Variants in METTL2B observed in about 807,000 individuals in gnomAD.
METTL2B encodes methyltransferase 2B, tRNA N3-cytidine, also known as tRNA N(3)-cytidine methyltransferase METTL2B.
Under a neutral mutation model 51.0 loss-of-function variants are expected in METTL2B, and 28 were observed. The observed-to-expected ratio is 0.55, with a 90% CI of 0.41 to 0.75. METTL2B has a LOEUF of 0.75. Ranked by LOEUF, METTL2B falls within the 30% of genes least tolerant of loss-of-function variation. METTL2B has a pLI of 0.00. For synonymous variants in METTL2B, 128 were observed against 166.3 expected, an observed-to-expected ratio of 0.77 and a Z score of 1.77; for missense variants, 313 against 460.7, an observed-to-expected ratio of 0.68 and a Z score of 2.93.
rs1033842985 is a variant in METTL2B, at chr7:128,479,142, T to G, written c.203-16T>G. On this transcript the variant is annotated splice_polypyrimidine_tract_variant and intron_variant, in intron 2 of 8. Coordinates refer to ENST00000262432, the MANE Select transcript of METTL2B (RefSeq NM_018396.3). Reference sequence around the variant, plus strand: ...TTGAGAGCTGGTTCTTAAAATTTTTTCTTAAATATTTACAGTTGATTATGA... The same window carrying G: ...TTGAGAGCTGGTTCTTAAAATTTTTGCTTAAATATTTACAGTTGATTATGA... The G allele has an allele frequency of 5.1e-6, 8 of 1,570,628 alleles. No homozygotes were observed. In the African/African-American group the frequency reaches 1.1e-4, roughly 22 times the overall value.
intron 4 of METTL2B, chr7:128,484,217 C>CTTTTTTTTTTTTGTTTTGTTT (rs1428525341): frequency 4.7e-5 from 2 of 42,412 alleles, no homozygotes; most frequent in Admixed American, 2.9e-4. Context: ...TGCCTAGATC[C>CTTTTTTTTTTTTGTTTTGTTT]TTTTTTTTTT....
intron 5 of METTL2B, among the ~76,000 whole-genome samples, chr7:128,492,566 T>G (rs3958071): frequency 0.79 from 120,184 of 152,028 alleles, 47,727 homozygotes; most frequent in East Asian, 0.94. Context: ...CTAGGCGTGA[T>G]CCACTGTGCC....
rs562563911 is a variant in METTL2B, at chr7:128,492,393, G to A, written c.670-1411G>A. On this transcript the variant is annotated intron_variant, in intron 5 of 8. Coordinates refer to ENST00000262432, the MANE Select transcript of METTL2B (RefSeq NM_018396.3). Reference sequence around the variant, plus strand: ...GGCTGGTTTTGAACTCCTGACCTCAGGTAATCCGCCCACCTCGACCTCCCA... The same window carrying A: ...GGCTGGTTTTGAACTCCTGACCTCAAGTAATCCGCCCACCTCGACCTCCCA... Among the ~76,000 whole-genome samples the A allele has an allele frequency of 4.0e-5, 6 of 151,402 alleles. No individual in the cohort carries two copies. The East Asian group carries it at 1.2e-3, about 30-fold the overall frequency.
At position 128,504,350 on chromosome 7, in the gene METTL2B, C is replaced by CTTTTT. The variant is rs66738177; in HGVS notation, c.*2449_*2453dup. 2.0e-3 allele frequency: 212 copies of CTTTTT among 108,430 alleles called. 5 individuals carry two copies. The highest frequency in any genetic ancestry group is 2.5e-3 in the East Asian group (9 of 3,532). The allele number at this position is 108,430 out of a possible 1,614,324, so 6.7% of individuals were successfully genotyped here. On this transcript the variant is annotated 3_prime_UTR_variant, in exon 9 of 9. Coordinates refer to ENST00000262432, the MANE Select transcript of METTL2B (RefSeq NM_018396.3). ...GCTGGGTAATGTAGCAAGACCCTGACTTTTTTTTTTTTTTTTTTTGAGATG... is the reference window on the plus strand; with the variant it reads ...GCTGGGTAATGTAGCAAGACCCTGACTTTTTTTTTTTTTTTTTTTTTTTTGAGATG...
intron 3 of METTL2B, among the ~76,000 whole-genome samples, 157 bp from the exon 4 acceptor site, chr7:128,480,490 A>G (rs1799859898): frequency 6.6e-6 from 1 of 152,212 alleles, no homozygotes; most frequent in Admixed American, 6.5e-5. Flanking sequence ...CAACATCAAA[A>G]TCAACAAATG....
At chr7:128,487,118 G>A (rs1309010913) in intron 4 of METTL2B, among the ~76,000 whole-genome samples, 1 of 152,214 alleles carries the variant, frequency 6.6e-6, no homozygotes, top group East Asian at 1.9e-4. Context: ...TTTAATTTAA[G>A]TAGCCACAGG....
chr7:128,485,706 G>A (rs372231615), intron 4 of METTL2B, among the ~76,000 whole-genome samples: 3 of 150,216 alleles, frequency 2.0e-5, no homozygotes, highest in Admixed American at 6.6e-5. Flanking sequence ...TGGCATGCAC[G>A]TGTAGTCTCA....
At chr7:128,489,651 C>T (rs1261039927) in intron 5 of METTL2B, among the ~76,000 whole-genome samples, 4 of 100,466 alleles carry the variant, frequency 4.0e-5, no homozygotes, top group South Asian at 3.8e-4. Flanking sequence ...TTTTTTGAGA[C>T]GGAGTCTCGC....
At chr7:128,478,825 C>G (rs1451611025) in intron 2 of METTL2B, among the ~76,000 whole-genome samples, 1 of 152,004 alleles carries the variant, frequency 6.6e-6, no homozygotes, top group Non-Finnish European at 1.5e-5. Flanking sequence ...GATTGCGCCC[C>G]TGCACTCCAG....
At chr7:128,489,435 C>CAA in intron 5 of METTL2B, among the ~76,000 whole-genome samples, 1 of 141,954 alleles carries the variant, frequency 7.0e-6, no homozygotes, top group Non-Finnish European at 1.5e-5. Context: ...GACTCCATCT[C>CAA]AAAAAAAAAA....
Position 128,505,289 on chromosome 7 carries a change from T to A in METTL2B, c.*3373T>A, listed in dbSNP as rs1793106352. 6.6e-6 allele frequency: 1 copy of A among 152,138 alleles called. No individual in the cohort carries two copies. Among genetic ancestry groups the A allele is most frequent in the South Asian group, 2.1e-4 (1 of 4,812 alleles). 9.4% of individuals were successfully genotyped at this position (152,138 alleles called of 1,614,324 possible). On this transcript the variant is annotated 3_prime_UTR_variant, in exon 9 of 9. Coordinates refer to ENST00000262432, the MANE Select transcript of METTL2B (RefSeq NM_018396.3). ...TCAAAATAAAAAAACAAAAAAAATG[T>A]AAAAAATAAATAATTGTATTGAATT...
intron 4 of METTL2B, among the ~76,000 whole-genome samples, chr7:128,484,952 A>G (rs966100484): frequency 3.9e-5 from 6 of 152,092 alleles, no homozygotes; most frequent in African/African-American, 1.4e-4. Flanking sequence ...GGACATTTTC[A>G]TCACCCCAAA....
rs766150434 is a variant in METTL2B at position 128,476,812 on chromosome 7, A to G, written c.47A>G (p.Lys16Arg). 6.2e-7 allele frequency: 1 copy of G among 1,614,170 alleles called. No individual in the cohort carries two copies. Among genetic ancestry groups the G allele is most frequent in the Non-Finnish European group, 8.5e-7 (1 of 1,180,026 alleles). Residue 16 changes from lysine to arginine, a missense_variant, in exon 1 of 9, where the codon AAG becomes AGG. Physicochemically the swap from Lys to Arg is conservative, Grantham distance 26. Around this residue, in one of 4 missense-constraint regions of METTL2B, gnomAD observed 66 missense variants for 58.2 expected, o/e 1.13. Transcript: ENST00000262432. ...GGTGCACCTGCAATCCTCGCCGATA[A>G]GAGGCAGCAGTTCGGAAGCCGGTTC... ...PEGAPAILAD[K>R]RQQFGSRFLS...
At chr7:128,498,274 T>C (rs1025507683) in intron 7 of METTL2B, 132 bp downstream of exon 7, 35 of 982,316 alleles carry the variant, frequency 3.6e-5, no homozygotes, top group Non-Finnish European at 9.6e-6. Context: ...TTCTCACTCA[T>C]AAGTGGGAGT....
At chr7:128,499,030 A>C (rs1406537222) in intron 7 of METTL2B, among the ~76,000 whole-genome samples, 7 of 152,110 alleles carry the variant, frequency 4.6e-5, no homozygotes, top group South Asian at 4.1e-4. Context: ...GAAAGACATA[A>C]ATAATTTTAA....
At chr7:128,489,401 A>C (rs1164683703) in intron 5 of METTL2B, among the ~76,000 whole-genome samples, 1 of 151,056 alleles carries the variant, frequency 6.6e-6, no homozygotes, top group South Asian at 2.1e-4. Flanking sequence ...GTGCCACTGC[A>C]CTCCAGTCTG....
intron 4 of METTL2B, chr7:128,483,435 C>T (rs961601030): frequency 2.6e-5 from 4 of 152,476 alleles, no homozygotes; most frequent in Admixed American, 6.6e-5. Flanking sequence ...CCCCTGACTC[C>T]GTACCTTTCC....
At chr7:128,487,475 G>A (rs1280069961) in intron 4 of METTL2B, among the ~76,000 whole-genome samples, 2 of 152,096 alleles carry the variant, frequency 1.3e-5, no homozygotes, top group Non-Finnish European at 2.9e-5. Context: ...TTCATAATTG[G>A]AAGCAATTTT....
intron 2 of METTL2B, chr7:128,478,015 A>G (rs1041142298): frequency 2.8e-5 from 12 of 425,090 alleles, no homozygotes; most frequent in Admixed American, 2.8e-4. Flanking sequence ...TAGTAGCAGT[A>G]GTGGAACTAA....
Sources: gnomAD v4.1 joint callset for allele counts (sites outside exome capture counted in the v4.1 genomes callset) on GRCh38, gnomAD v4.1.1 for gene constraint, gnomAD v4.1.1 regional missense constraint, MANE v1.5 for transcripts, NCBI Gene and HGNC (gene_info 2026-07-23, HGNC 2026-07-21) for gene names.